The following TAF2 variants were observed in gnomAD, a reference collection of about 807,000 sequenced individuals.
TAF2 encodes transcription initiation factor TFIID subunit 2.
A neutral mutation model predicts 138.5 loss-of-function variants in TAF2; 61 were observed. The observed-to-expected ratio is 0.44, with a 90% CI of 0.36 to 0.54. The LOEUF (loss-of-function observed/expected upper bound fraction) is 0.54, where lower values mean the gene tolerates loss of function less well. Among genes scored for constraint, TAF2 ranks in the 20% least tolerant of loss-of-function variants. The probability of loss-of-function intolerance (pLI) is 0.00; values close to 1 mark genes in which losing one functional copy is unlikely to be tolerated. For missense variants in TAF2, 1,090 were observed against 1,427.9 expected (o/e 0.76, Z 3.81); for synonymous variants, 475 against 469.9 (o/e 1.01, Z -0.14).
chr8:119,765,805 T>C (rs537501768), intron 18 of TAF2, among the ~76,000 whole-genome samples: 44 of 152,312 alleles, frequency 2.9e-4, no homozygotes, highest in Non-Finnish European at 4.4e-4. Context: ...AACATAACTG[T>C]CGGGATTCCT....
At chr8:119,816,011 C>T (rs1158944332) in intron 3 of TAF2, among the ~76,000 whole-genome samples, 5 of 151,062 alleles carry the variant, frequency 3.3e-5, no homozygotes, top group African/African-American at 1.2e-4. Context: ...TATTCCTCTA[C>T]AGTTCAAAGG....
At chr8:119,753,011 A>G (rs1372087287) in intron 22 of TAF2, among the ~76,000 whole-genome samples, 1 of 152,208 alleles carries the variant, frequency 6.6e-6, no homozygotes, top group Non-Finnish European at 1.5e-5. Context: ...TTTGTTATTG[A>G]TGAATCCTCA....
intron 18 of TAF2, among the ~76,000 whole-genome samples, chr8:119,773,954 G>A (rs960690912): frequency 2.0e-5 from 3 of 151,622 alleles, no homozygotes; most frequent in Non-Finnish European, 2.9e-5. Flanking sequence ...GGTGGATCAC[G>A]AGGTCAGGAG....
rs1465526552 is a variant in TAF2 at position 119,760,687 on chromosome 8, A to T, written c.2610T>A (p.Asp870Glu). Residue 870 changes from aspartate to glutamate, a missense_variant, in exon 20 of 26, where the codon GAT becomes GAA. By Grantham distance (45) the Asp-to-Glu change is conservative (BLOSUM62 2). Around this residue, in one of 3 missense-constraint regions of TAF2, gnomAD observed 580 missense variants for 719.6 expected, o/e 0.81. Transcript: ENST00000378164. Reference sequence around the variant, plus strand: ...CAGCATAAGATTTAAAAAGAGCTGGATCACTTGGCACATGTCCGTTCTTCT... The same window carrying T: ...CAGCATAAGATTTAAAAAGAGCTGGTTCACTTGGCACATGTCCGTTCTTCT... ...VLQKNGHVPS[D>E]PALFKSYAEY... is the part of the protein sequence containing the mutation. 1 of 1,613,914 alleles carries T rather than the reference A, an allele frequency of 6.2e-7. No individual in the cohort carries two copies. The highest frequency in any genetic ancestry group is 8.5e-7 in the Non-Finnish European group (1 of 1,179,958).
At chr8:119,742,464 A>G in intron 25 of TAF2, 70 bp downstream of exon 25, 2 of 1,571,328 alleles carry the variant, frequency 1.3e-6, no homozygotes, top group Admixed American at 3.5e-5. Context: ...AAAGTTGATG[A>G]AGTAACTCTA....
At chr8:119,826,905 T>C (rs980917943) in intron 2 of TAF2, among the ~76,000 whole-genome samples, 1 of 152,074 alleles carries the variant, frequency 6.6e-6, no homozygotes, top group African/African-American at 2.4e-5. Context: ...TTAAGATATG[T>C]TTTTCAGCCA....
Position 119,731,712 on chromosome 8 carries a change from T to C in TAF2, c.*212A>G, listed in dbSNP as rs1306792803. On this transcript the variant is annotated 3_prime_UTR_variant, in exon 26 of 26. Coordinates refer to ENST00000378164, the MANE Select transcript of TAF2 (RefSeq NM_003184.4). ...TTTGGGGAGGAAACAGCGGATGAAA[T>C]AGTTTATCCAGAACTACAAAACACA... The C allele has an allele frequency of 5.1e-6, 3 of 587,340 alleles. No homozygotes were observed. Among genetic ancestry groups the C allele is most frequent in the South Asian group, 2.0e-5 (1 of 48,876 alleles). 36.4% of individuals were successfully genotyped at this position (587,340 alleles called of 1,614,324 possible). A position where few individuals can be genotyped will look rare whatever the true frequency, so the allele number is the denominator to read the frequency against.
At chr8:119,765,100 C>A (rs919789278) in intron 18 of TAF2, among the ~76,000 whole-genome samples, 4 of 152,012 alleles carry the variant, frequency 2.6e-5, no homozygotes, top group South Asian at 2.1e-4. Flanking sequence ...ATAAGTTCTG[C>A]GGGCTTTGTG....
chr8:119,784,064 G>A (rs1822855288), intron 15 of TAF2, among the ~76,000 whole-genome samples: 1 of 152,090 alleles, frequency 6.6e-6, no homozygotes, highest in Admixed American at 6.5e-5. Context: ...CAAACAGCAA[G>A]TTCTGAAATC....
intron 2 of TAF2, among the ~76,000 whole-genome samples, chr8:119,827,065 T>C (rs1366825472): frequency 6.6e-6 from 1 of 152,110 alleles, no homozygotes; most frequent in Non-Finnish European, 1.5e-5. Flanking sequence ...TGGTGGTACG[T>C]GCCTGTGGTC....
At chr8:119,797,180 T>C (rs947837026) in intron 7 of TAF2, 77 bp from the exon 8 acceptor site, 4 of 1,081,290 alleles carry the variant, frequency 3.7e-6, no homozygotes, top group African/African-American at 1.6e-5. Flanking sequence ...ATAATTCCAC[T>C]TTTAAAACAA....
chr8:119,799,287 C>A (rs1052929056), intron 6 of TAF2, among the ~76,000 whole-genome samples: 2 of 152,076 alleles, frequency 1.3e-5, no homozygotes, highest in African/African-American at 4.8e-5. Context: ...GGTATATCTC[C>A]TAATGCTATC....
intron 2 of TAF2, 23 bp from the exon 3 acceptor site, chr8:119,819,529 C>G: frequency 6.3e-7 from 1 of 1,578,482 alleles, no homozygotes; most frequent in Non-Finnish European, 8.6e-7. Context: ...AGAATAACAA[C>G]TTCATTATAA....
intron 25 of TAF2, among the ~76,000 whole-genome samples, chr8:119,734,851 A>G (rs746921513): frequency 2.0e-5 from 3 of 152,236 alleles, no homozygotes; most frequent in Non-Finnish European, 4.4e-5. Context: ...TTAGAGAAGC[A>G]AAGTTCTCCA....
At chr8:119,762,872 A>G in intron 18 of TAF2, 1 of 306,390 alleles carries the variant, frequency 3.3e-6, no homozygotes, top group Non-Finnish European at 6.1e-6. Flanking sequence ...TGGAGGGTTA[A>G]TGTAGGAGTT....
intron 17 of TAF2, among the ~76,000 whole-genome samples, chr8:119,780,091 T>C (rs751123237): frequency 2.0e-5 from 3 of 152,138 alleles, no homozygotes; most frequent in Non-Finnish European, 4.4e-5. Context: ...ATTAGTTCTC[T>C]CTACTTCAAC....
At position 119,746,882 on chromosome 8, in the gene TAF2, T is replaced by G. The variant is rs745994887; in HGVS notation, c.2931A>C (p.Thr977=). The G allele has an allele frequency of 1.9e-6, 3 of 1,613,942 alleles. No homozygotes were observed. The highest frequency in any genetic ancestry group is 2.5e-6 in the Non-Finnish European group (3 of 1,180,004). The change falls in exon 23 of 26, where the codon ACA becomes ACC. Residue 977 remains threonine, a synonymous_variant. Transcript: ENST00000378164. ...AGGAAGGTCTACTGAGGCCAAAAAG[T>G]GTGAAGTACAAGTCCACAGCACCAC... ...LRCGAVDLYF[T]LFGLSRPSCL... is the part of the protein sequence containing the mutation.
intron 24 of TAF2, 72 bp from the exon 25 acceptor site, chr8:119,742,728 G>T: frequency 6.4e-7 from 1 of 1,568,962 alleles, no homozygotes; most frequent in South Asian, 1.2e-5. Context: ...AAGGCTGACA[G>T]GTTTTTATAA....
intron 4 of TAF2, among the ~76,000 whole-genome samples, chr8:119,805,119 G>A (rs765409603): frequency 6.6e-6 from 1 of 152,256 alleles, no homozygotes; most frequent in Middle Eastern, 3.4e-3. Context: ...GGCTAAATAA[G>A]CAAGGCAGAA....
Sources: gnomAD v4.1 joint callset for allele counts (sites outside exome capture counted in the v4.1 genomes callset) on GRCh38, gnomAD v4.1.1 for gene constraint, gnomAD v4.1.1 regional missense constraint, MANE v1.5 for transcripts, NCBI Gene and HGNC (gene_info 2026-07-23, HGNC 2026-07-21) for gene names.